TIAM1: variants seen among roughly 807,000 people sequenced by gnomAD.
TIAM1 encodes the protein TIAM Rac1 associated GEF 1.
Under a neutral mutation model 163.5 loss-of-function variants are expected in TIAM1, and 65 were observed. The observed-to-expected ratio is 0.40, with a 90% CI of 0.33 to 0.49. The LOEUF (loss-of-function observed/expected upper bound fraction) is 0.49, where lower values mean the gene tolerates loss of function less well. Among genes scored for constraint, TIAM1 ranks in the 20% least tolerant of loss-of-function variants. The pLI is 0.77. For missense variants in TIAM1, 1,789 were observed against 2,044.7 expected (o/e 0.87, Z 2.41); for synonymous variants, 833 against 810.1 (o/e 1.03, Z -0.48).
Position 31,152,889 on chromosome 21 carries a change from G to A in TIAM1, c.3241-128C>T, listed in dbSNP as rs552192545. 1,391 of 1,407,912 alleles carry A rather than the reference G, an allele frequency of 9.9e-4. 1 individual carries two copies. The highest frequency in any genetic ancestry group is 1.9e-3 in the South Asian group (133 of 69,642). 87.2% of individuals were successfully genotyped at this position (1,407,912 alleles called of 1,614,324 possible). On this transcript the variant is annotated intron_variant, in intron 18 of 27. Transcript: ENST00000541036. ...GAGAATAATCCCACTACCAGAGAGC[G>A]GGGCAGTTTTTTACTCTTCATGAGC... is the stretch of plus-strand genomic sequence containing the variant.
intron 2 of TIAM1, among the ~76,000 whole-genome samples, chr21:31,326,574 C>T (rs1026318614): frequency 7.9e-5 from 12 of 152,212 alleles, no homozygotes. Context: ...AAGGCTTCTG[C>T]AATGACAACA....
intron 4 of TIAM1, among the ~76,000 whole-genome samples, chr21:31,260,197 T>G (rs1376329121): frequency 6.8e-6 from 1 of 147,280 alleles, no homozygotes; most frequent in Non-Finnish European, 1.5e-5. Flanking sequence ...AAATAAATAT[T>G]TTTATATAAA....
chr21:31,269,112 A>G (rs2072930488), intron 3 of TIAM1, among the ~76,000 whole-genome samples: 1 of 152,232 alleles, frequency 6.6e-6, no homozygotes, highest in Non-Finnish European at 1.5e-5. Context: ...AAATTGACAC[A>G]TATATTTTCA....
intron 1 of TIAM1, among the ~76,000 whole-genome samples, chr21:31,481,385 T>G (rs1255743943): frequency 1.3e-5 from 2 of 152,124 alleles, no homozygotes; most frequent in African/African-American, 4.8e-5. Context: ...CACCAACCAA[T>G]GCTCCAACTC....
intron 6 of TIAM1, among the ~76,000 whole-genome samples, chr21:31,227,506 A>T (rs986155183): frequency 2.0e-5 from 3 of 152,162 alleles, no homozygotes; most frequent in African/African-American, 7.2e-5. Flanking sequence ...GTGGATAAAC[A>T]TTTCAATATG....
In TIAM1 at chr21:31,252,012, G is replaced by A; in HGVS notation, c.1141C>T (p.Gln381Ter). 6.2e-7 allele frequency: 1 copy of A among 1,614,000 alleles called. No homozygotes were observed. The highest frequency in any genetic ancestry group is 8.5e-7 in the Non-Finnish European group (1 of 1,179,982). ...CGCCGGAAGTTCTCGTACACCCCCT[G>A]ACGAGCCGCATCCCCGGTGGAGCTG... ...GSSSTGDAAR[Q>*]GVYENFRREL... Residue 381 changes from glutamine (Q) to a stop codon, truncating the protein, a stop_gained, in exon 5 of 28, where the codon CAG (glutamine) becomes TAG (stop). Transcript: ENST00000541036. LOFTEE classifies it high-confidence loss of function.
At chr21:31,546,970 G>C (rs888288983) in intron 1 of TIAM1, among the ~76,000 whole-genome samples, 1 of 151,632 alleles carries the variant, frequency 6.6e-6, no homozygotes, top group African/African-American at 2.4e-5. Context: ...GGGGGGGGCT[G>C]GCTCCTATGT....
At chr21:31,468,348 T>C (rs1228681649) in intron 1 of TIAM1, among the ~76,000 whole-genome samples, 1 of 151,088 alleles carries the variant, frequency 6.6e-6, no homozygotes, top group East Asian at 1.9e-4. Flanking sequence ...CCGGGTGTGG[T>C]GGTGCATGCC....
chr21:31,141,904 C>G lies in TIAM1; in HGVS notation c.3476-400G>C, dbSNP rs1434978132. Among the ~76,000 whole-genome samples the G allele has an allele frequency of 6.6e-6, 1 of 152,104 alleles. No individual in the cohort carries two copies. Among genetic ancestry groups the G allele is most frequent in the African/African-American group, 2.4e-5 (1 of 41,416 alleles). ...GTTCCTGGAGATAGTAAAAGACTTG[C>G]CAGGAAATGTGCCTTTTATAGAGTC... On this transcript the variant is annotated intron_variant, in intron 20 of 27. Coordinates refer to ENST00000541036, the MANE Select transcript of TIAM1 (RefSeq NM_001353694.2). The surrounding 1 kb of genome is among the most constrained non-coding windows in gnomAD (Gnocchi z 4.7).
intron 1 of TIAM1, among the ~76,000 whole-genome samples, chr21:31,489,292 C>A (rs2046376601): frequency 7.0e-6 from 1 of 143,116 alleles, no homozygotes; most frequent in Non-Finnish European, 1.5e-5. Flanking sequence ...ATGGCTTGAA[C>A]CCAGGAGTTC....
chr21:31,312,950 G>C (rs575089364), intron 2 of TIAM1, among the ~76,000 whole-genome samples: 2 of 152,344 alleles, frequency 1.3e-5, no homozygotes, highest in African/African-American at 4.8e-5. Context: ...TTTAACAAAG[G>C]TCAAGCCCTC....
Position 31,423,184 on chromosome 21 carries a change from C to T in TIAM1, c.-369+40799G>A, listed in dbSNP as rs528218879. Among the ~76,000 whole-genome samples, 5 of 149,916 alleles carry T rather than the reference C, an allele frequency of 3.3e-5. No individual in the cohort carries two copies. The East Asian group carries it at 7.9e-4, about 24-fold the overall frequency. On this transcript the variant is annotated intron_variant, in intron 2 of 28. Transcript: ENST00000286827. ...CATGATCTCCGCTCACTGCAAGCTC[C>T]GCCTCCCGGGTTCACGCCATTCTCC...
intron 16 of TIAM1, 109 bp from the exon 17 acceptor site, chr21:31,154,535 A>G (rs752220946): frequency 3.5e-6 from 4 of 1,133,800 alleles, no homozygotes; most frequent in Admixed American, 2.4e-5. Flanking sequence ...ACTGTCACAT[A>G]TGAATGTCGT....
chr21:31,368,166 C>T (rs1402915413), intron 2 of TIAM1, among the ~76,000 whole-genome samples: 1 of 152,092 alleles, frequency 6.6e-6, no homozygotes, highest in Non-Finnish European at 1.5e-5. Context: ...AAGATGTCTA[C>T]CAATTATTTT....
At chr21:31,456,858 A>G (rs2045123559) in intron 2 of TIAM1, among the ~76,000 whole-genome samples, 1 of 152,090 alleles carries the variant, frequency 6.6e-6, no homozygotes, top group Non-Finnish European at 1.5e-5. Context: ...CCAATTAACC[A>G]TTCCCTGTTT....
Position 31,395,865 on chromosome 21 carries a change from G to A in TIAM1, c.-368-56443C>T, listed in dbSNP as rs1052532059. Among the ~76,000 whole-genome samples the A allele has an allele frequency of 6.6e-6, 1 of 152,156 alleles. No individual in the cohort carries two copies. The highest frequency in any genetic ancestry group is 6.5e-5 in the Admixed American group (1 of 15,270). On this transcript the variant is annotated intron_variant, in intron 2 of 28. Coordinates refer to the TIAM1 transcript ENST00000286827. This position sits in a 1 kb window ranked among gnomAD's most constrained non-coding sequence, Gnocchi z 7.5. ...ATGCCTGAAACAGCAGGCCAGTAGG[G>A]AGGGCCTGAACAGAAAGAAAACAAG...
intron 2 of TIAM1, among the ~76,000 whole-genome samples, chr21:31,322,448 T>TGTG: frequency 7.3e-6 from 1 of 136,630 alleles, no homozygotes; most frequent in East Asian, 2.2e-4. Flanking sequence ...CCTCTATGGG[T>TGTG]GGGGGGGGGT....
chr21:31,520,431 T>C lies in TIAM1; in HGVS notation c.-422+38496A>G, dbSNP rs115377950. 2.6e-3 allele frequency among the ~76,000 whole-genome samples: 396 copies of C among 152,140 alleles called. 2 individuals carry two copies. The highest frequency in any genetic ancestry group is 9.3e-3 in the African/African-American group (385 of 41,534). On this transcript the variant is annotated intron_variant, in intron 1 of 28. Transcript: ENST00000286827. Reference sequence around the variant, plus strand: ...ACTAGCAATAACTGTTTAAGAATAATAGGTTTTTGAGTGCGGTTTTACTTT... The same window carrying C: ...ACTAGCAATAACTGTTTAAGAATAACAGGTTTTTGAGTGCGGTTTTACTTT...
intron 1 of TIAM1, among the ~76,000 whole-genome samples, chr21:31,531,153 T>A (rs1460399385): frequency 6.6e-6 from 1 of 152,170 alleles, no homozygotes; most frequent in Non-Finnish European, 1.5e-5. Context: ...CACCCACAGA[T>A]TTAATTAGCA....
Sources: allele counts gnomAD v4.1 joint callset (sites outside exome capture counted in the v4.1 genomes callset), GRCh38; gene constraint gnomAD v4.1.1; non-coding constraint Gnocchi (gnomAD v3.1); transcripts MANE v1.5; gene names NCBI Gene and HGNC (gene_info 2026-07-23, HGNC 2026-07-21).